Variants in PCDH7 observed in about 807,000 individuals in gnomAD.
The protein encoded by PCDH7 is protocadherin-7.
A neutral mutation model predicts 58.9 loss-of-function variants in PCDH7; 17 were observed. The observed-to-expected ratio is 0.29, with a 90% CI of 0.20 to 0.43. The LOEUF (loss-of-function observed/expected upper bound fraction) is 0.43. Among genes scored for constraint, PCDH7 ranks in the 20% least tolerant of loss-of-function variants. The probability of loss-of-function intolerance (pLI) is 1.00; values close to 1 mark genes in which losing one functional copy is unlikely to be tolerated. For synonymous variants in PCDH7, 664 were observed against 616.4 expected (o/e 1.08, Z -1.14); for missense variants, 1,274 against 1,441.0 (o/e 0.88, Z 1.88).
At chr4:30,777,643 G>T (rs1722247969) in intron 1 of PCDH7, among the ~76,000 whole-genome samples, 1 of 152,102 alleles carries the variant, frequency 6.6e-6, no homozygotes, top group Admixed American at 6.5e-5. Context: ...CCATGTAAAT[G>T]CTTGTATATT....
chr4:30,881,376 A>G (rs939754016), intron 1 of PCDH7, among the ~76,000 whole-genome samples: 1 of 152,064 alleles, frequency 6.6e-6, no homozygotes, highest in African/African-American at 2.4e-5. Context: ...AAAACCCAGA[A>G]CAAACTATAA....
intron 1 of PCDH7, among the ~76,000 whole-genome samples, chr4:30,773,480 C>A (rs1445086538): frequency 3.3e-5 from 5 of 151,976 alleles, no homozygotes; most frequent in African/African-American, 1.2e-4. Flanking sequence ...TTTGGATAAA[C>A]CTTCTATTTT....
chr4:31,110,434 G>T (rs541721187), intron 3 of PCDH7, among the ~76,000 whole-genome samples: 20 of 152,152 alleles, frequency 1.3e-4, no homozygotes, highest in Middle Eastern at 3.4e-3. Flanking sequence ...GATTTTATTT[G>T]TTCACTTATG....
intron 3 of PCDH7, among the ~76,000 whole-genome samples, chr4:31,061,533 T>G (rs556370155): frequency 4.9e-4 from 70 of 143,796 alleles, no homozygotes; most frequent in African/African-American, 1.8e-3. Context: ...TATAAAACTT[T>G]TCTGGACTTG....
At chr4:30,887,432 G>A (rs1221261785) in intron 1 of PCDH7, among the ~76,000 whole-genome samples, 1 of 152,024 alleles carries the variant, frequency 6.6e-6, no homozygotes, top group African/African-American at 2.4e-5. Flanking sequence ...CTCAAACATA[G>A]TAGGCACTCA....
intron 3 of PCDH7, among the ~76,000 whole-genome samples, chr4:30,999,722 C>T (rs893920235): frequency 2.0e-5 from 3 of 152,020 alleles, no homozygotes; most frequent in African/African-American, 7.2e-5. Flanking sequence ...GCAGATGATG[C>T]TAATTAAAAG....
At chr4:31,078,639 ATTT>A (rs10709152) in intron 3 of PCDH7, among the ~76,000 whole-genome samples, 30 of 73,558 alleles carry the variant, frequency 4.1e-4, no homozygotes, top group Middle Eastern at 0.013. Flanking sequence ...ACCATGCCCC[ATTT>A]TTTTTTTTTT....
chr4:31,037,881 G>A (rs1458893263), intron 3 of PCDH7, among the ~76,000 whole-genome samples: 1 of 152,232 alleles, frequency 6.6e-6, no homozygotes, highest in African/African-American at 2.4e-5. Flanking sequence ...AGCAGTTCAA[G>A]TAGACAGGTC....
At chr4:30,754,405 C>T (rs564699584) in intron 1 of PCDH7, among the ~76,000 whole-genome samples, 31 of 152,168 alleles carry the variant, frequency 2.0e-4, no homozygotes, top group East Asian at 3.9e-4. Context: ...TCCCTTCTAC[C>T]GAAAGCATGA....
chr4:30,934,143 G>A (rs1457273541), intron 2 of PCDH7, among the ~76,000 whole-genome samples: 1 of 152,168 alleles, frequency 6.6e-6, no homozygotes, highest in African/African-American at 2.4e-5. Flanking sequence ...GAATAATGAA[G>A]ATCTAAAATC....
intron 1 of PCDH7, among the ~76,000 whole-genome samples, chr4:30,741,346 A>G (rs1322394469): frequency 6.9e-6 from 1 of 145,156 alleles, no homozygotes; most frequent in East Asian, 2.0e-4. Context: ...GTGTGCCACC[A>G]TATATGGCTA....
At chr4:30,816,547 GTT>G (rs552056565) in intron 1 of PCDH7, among the ~76,000 whole-genome samples, 11 of 147,282 alleles carry the variant, frequency 7.5e-5, no homozygotes, top group Middle Eastern at 3.6e-3. Flanking sequence ...TTTGGAATGA[GTT>G]TTTTTTTTTA....
chr4:30,731,046 A>G, exon 2 of PCDH7: 1 of 1,189,450 alleles, frequency 8.4e-7, no homozygotes, highest in Non-Finnish European at 1.0e-6. Flanking sequence ...CCATTCTTAA[A>G]GAGGCGGTTA....
chr4:31,096,244 T>C (rs1713964343), intron 3 of PCDH7, among the ~76,000 whole-genome samples: 1 of 152,180 alleles, frequency 6.6e-6, no homozygotes, highest in African/African-American at 2.4e-5. Context: ...GTCTTTAGAA[T>C]AGATTCAGCT....
intron 3 of PCDH7, among the ~76,000 whole-genome samples, chr4:31,013,487 ATG>A (rs983773326): frequency 7.3e-5 from 11 of 150,384 alleles, no homozygotes; most frequent in African/African-American, 1.2e-4. Context: ...AATATATAAT[ATG>A]TGTGTGTATG....
At chr4:30,756,797 A>C (rs1256930210) in intron 1 of PCDH7, among the ~76,000 whole-genome samples, 2 of 152,198 alleles carry the variant, frequency 1.3e-5, no homozygotes, top group Non-Finnish European at 2.9e-5. Context: ...CTCTCCCACC[A>C]TAAAATGGAG....
intron 3 of PCDH7, among the ~76,000 whole-genome samples, chr4:31,107,965 T>C (rs1029198610): frequency 6.6e-6 from 1 of 152,130 alleles, no homozygotes; most frequent in African/African-American, 2.4e-5. Flanking sequence ...AATATCAACC[T>C]TTTTTATAGT....
At chr4:30,730,333 G>C (rs937505630) in intron 1 of PCDH7, among the ~76,000 whole-genome samples, 2 of 151,956 alleles carry the variant, frequency 1.3e-5, no homozygotes, top group African/African-American at 4.8e-5. Flanking sequence ...TTCTAAAGCA[G>C]TGACTCTTTT....
chr4:30,957,326 G>T (rs933314035), intron 3 of PCDH7, among the ~76,000 whole-genome samples: 3 of 152,138 alleles, frequency 2.0e-5, no homozygotes, highest in Non-Finnish European at 4.4e-5. Context: ...TTATTTGACA[G>T]GGGAAAAATG....
Sources: allele counts gnomAD v4.1 joint callset (sites outside exome capture counted in the v4.1 genomes callset), GRCh38; gene constraint gnomAD v4.1.1; transcripts MANE v1.5; gene names NCBI Gene and HGNC (gene_info 2026-07-23, HGNC 2026-07-21).